AFG1L: variants seen among roughly 807,000 people sequenced by gnomAD.
The protein encoded by AFG1L is AFG1-like ATPase.
Under a neutral mutation model 62.2 loss-of-function variants are expected in AFG1L, and 53 were observed. The observed-to-expected ratio is 0.85, with a 90% CI of 0.68 to 1.07. AFG1L has a LOEUF of 1.07. AFG1L is among the 50% of genes least tolerant of loss of function. The pLI is 0.00. For synonymous variants in AFG1L, 228 were observed against 210.3 expected (o/e 1.08, Z -0.73); for missense variants, 555 against 590.5 (o/e 0.94, Z 0.62).
intron 8 of AFG1L, among the ~76,000 whole-genome samples, chr6:108,475,835 A>G (rs1480192126): frequency 6.6e-6 from 1 of 152,196 alleles, no homozygotes; most frequent in Non-Finnish European, 1.5e-5. Flanking sequence ...TAATTATCTC[A>G]AGGGAGAATT....
At chr6:108,314,704 C>T (rs1777527733) in intron 1 of AFG1L, among the ~76,000 whole-genome samples, 1 of 152,112 alleles carries the variant, frequency 6.6e-6, no homozygotes, top group Non-Finnish European at 1.5e-5. Flanking sequence ...CAAACCCCTT[C>T]TGCTTCTTAG....
chr6:108,344,069 C>T (rs1778777831), intron 2 of AFG1L, among the ~76,000 whole-genome samples: 1 of 152,206 alleles, frequency 6.6e-6, no homozygotes, highest in Non-Finnish European at 1.5e-5. Context: ...TAAGACCAGA[C>T]TGGGCAACAT....
chr6:108,302,300 C>T (rs947105473), intron 1 of AFG1L, among the ~76,000 whole-genome samples: 14 of 152,226 alleles, frequency 9.2e-5, no homozygotes, highest in Admixed American at 5.9e-4. Flanking sequence ...TTTTTCTCTC[C>T]GGTCTCCCAT....
At chr6:108,495,589 A>G (rs942268369) in intron 10 of AFG1L, among the ~76,000 whole-genome samples, 2 of 152,242 alleles carry the variant, frequency 1.3e-5, no homozygotes, top group Non-Finnish European at 2.9e-5. Context: ...ACCAGGGTCG[A>G]TACCAAAGCA....
At chr6:108,510,136 T>A in intron 10 of AFG1L, 76 bp from the exon 11 acceptor site, 1 of 1,139,518 alleles carries the variant, frequency 8.8e-7, no homozygotes. Flanking sequence ...GAAAGAGGTG[T>A]TTTTACACTA....
chr6:108,464,926 C>T (rs886751692), intron 8 of AFG1L, among the ~76,000 whole-genome samples: 1 of 152,194 alleles, frequency 6.6e-6, no homozygotes, highest in African/African-American at 2.4e-5. Flanking sequence ...TTTATAGTAG[C>T]ATCCCACTGA....
chr6:108,520,480 G>A (rs575372481), intron 12 of AFG1L: 3 of 152,150 alleles, frequency 2.0e-5, no homozygotes, highest in African/African-American at 7.2e-5. Context: ...CTATAAGAAC[G>A]TTATGAGATG....
intron 8 of AFG1L, among the ~76,000 whole-genome samples, chr6:108,468,528 C>G (rs1416168681): frequency 2.0e-5 from 3 of 152,024 alleles, no homozygotes; most frequent in African/African-American, 7.2e-5. Context: ...TAAGGATATG[C>G]CTTGGAATGG....
At chr6:108,386,148 A>C (rs980744830) in intron 6 of AFG1L, among the ~76,000 whole-genome samples, 2 of 152,130 alleles carry the variant, frequency 1.3e-5, no homozygotes, top group African/African-American at 4.8e-5. Context: ...GGCAAAATAA[A>C]GACATTCTAA....
chr6:108,500,592 A>T (rs1774156542), intron 10 of AFG1L, among the ~76,000 whole-genome samples: 1 of 152,158 alleles, frequency 6.6e-6, no homozygotes, highest in Non-Finnish European at 1.5e-5. Flanking sequence ...GAATAGTGCT[A>T]TTATAAACGT....
chr6:108,505,792 C>A (rs1774395934), intron 10 of AFG1L, among the ~76,000 whole-genome samples: 4 of 151,932 alleles, frequency 2.6e-5, no homozygotes, highest in African/African-American at 9.7e-5. Context: ...CAAAATGAAT[C>A]ATGGAGAAGT....
At chr6:108,439,142 C>CGGTTGTT in intron 7 of AFG1L, among the ~76,000 whole-genome samples, 1 of 152,222 alleles carries the variant, frequency 6.6e-6, no homozygotes, top group Non-Finnish European at 1.5e-5. Flanking sequence ...AACCACACAG[C>CGGTTGTT]GTGACAATTG....
intron 2 of AFG1L, among the ~76,000 whole-genome samples, chr6:108,346,003 A>G (rs1303151988): frequency 1.3e-5 from 2 of 152,262 alleles, no homozygotes; most frequent in Non-Finnish European, 2.9e-5. Context: ...CCCATCTGGG[A>G]AAGAAGAAGG....
rs2114926172 is a variant in AFG1L at position 108,523,548 on chromosome 6, G to A, written c.*1123G>A. The A allele has an allele frequency of 6.6e-6, 1 of 152,272 alleles. No individual in the cohort carries two copies. The highest frequency in any genetic ancestry group is 1.9e-4 in the East Asian group (1 of 5,188). 9.4% of individuals were successfully genotyped at this position (152,272 alleles called of 1,614,324 possible). ...AATCTTGTGAAAATTAAGCATTTGGGGGAAGGTAAGGCATAGGTGAGTCAG... is the reference window on the plus strand; with the variant it reads ...AATCTTGTGAAAATTAAGCATTTGGAGGAAGGTAAGGCATAGGTGAGTCAG... On this transcript the variant is annotated 3_prime_UTR_variant, in exon 13 of 13. Coordinates refer to ENST00000368977, the MANE Select transcript of AFG1L (RefSeq NM_145315.5).
intron 7 of AFG1L, among the ~76,000 whole-genome samples, chr6:108,424,159 CTG>C (rs948771034): frequency 1.2e-4 from 18 of 152,040 alleles, no homozygotes; most frequent in Non-Finnish European, 2.5e-4. Context: ...GGACCTGGCT[CTG>C]TCACTGACTT....
At chr6:108,308,758 C>T (rs572161632) in intron 1 of AFG1L, among the ~76,000 whole-genome samples, 3 of 151,972 alleles carry the variant, frequency 2.0e-5, no homozygotes, top group Non-Finnish European at 4.4e-5. Flanking sequence ...GGCTGGAGTA[C>T]AGTGGCACAA....
intron 5 of AFG1L, among the ~76,000 whole-genome samples, 183 bp from the exon 6 acceptor site, chr6:108,366,050 G>A (rs1779743323): frequency 6.6e-6 from 1 of 151,978 alleles, no homozygotes; most frequent in Admixed American, 6.6e-5. Flanking sequence ...AAAAAGAAGA[G>A]TCAAGTTTAA....
intron 1 of AFG1L, among the ~76,000 whole-genome samples, chr6:108,311,427 C>T (rs1036038164): frequency 8.5e-5 from 13 of 152,188 alleles, no homozygotes; most frequent in African/African-American, 2.9e-4. Flanking sequence ...TGCCCGTTCC[C>T]CTTATGACAT....
At chr6:108,300,756 T>G (rs2114816872) in intron 1 of AFG1L, among the ~76,000 whole-genome samples, 1 of 151,502 alleles carries the variant, frequency 6.6e-6, no homozygotes, top group Non-Finnish European at 1.5e-5. Flanking sequence ...CACTGCAACC[T>G]CCGTCTCACA....
Sources: gnomAD v4.1 joint callset for allele counts (sites outside exome capture counted in the v4.1 genomes callset) on GRCh38, gnomAD v4.1.1 for gene constraint, MANE v1.5 for transcripts, NCBI Gene and HGNC (gene_info 2026-07-23, HGNC 2026-07-21) for gene names.